AKT3: variants seen among roughly 807,000 people sequenced by gnomAD.
AKT3 encodes the protein RAC-gamma serine/threonine-protein kinase.
AKT3 carries 15 observed loss-of-function variants against 65.3 expected under a neutral mutation model. The observed-to-expected ratio is 0.23, with a 90% CI of 0.15 to 0.35. The LOEUF (loss-of-function observed/expected upper bound fraction) is 0.35. AKT3 is among the 10% of genes least tolerant of loss of function. The pLI is 1.00. For missense variants in AKT3, 243 were observed against 576.5 expected, an observed-to-expected ratio of 0.42 and a Z score of 5.92; for synonymous variants, 206 against 183.8, an observed-to-expected ratio of 1.12 and a Z score of -0.98.
intron 12 of AKT3, among the ~76,000 whole-genome samples, chr1:243,526,498 C>T (rs1671090262): frequency 6.6e-6 from 1 of 152,052 alleles, no homozygotes; most frequent in Non-Finnish European, 1.5e-5. Context: ...CTCCAAATCT[C>T]CCACGAGAAT....
chr1:243,807,017 T>C (rs1692770471), intron 2 of AKT3, among the ~76,000 whole-genome samples: 1 of 152,110 alleles, frequency 6.6e-6, no homozygotes, highest in Admixed American at 6.6e-5. Flanking sequence ...TTGGGAACAA[T>C]CATCCCACAG....
chr1:243,744,758 A>C (rs956577367), intron 2 of AKT3, among the ~76,000 whole-genome samples: 18 of 151,354 alleles, frequency 1.2e-4, no homozygotes, highest in African/African-American at 3.9e-4. Flanking sequence ...AAAAAAAAAA[A>C]AATTATTATA....
chr1:243,616,947 T>C (rs142293867), intron 6 of AKT3, among the ~76,000 whole-genome samples: 16 of 152,152 alleles, frequency 1.1e-4, no homozygotes, highest in African/African-American at 3.6e-4. Flanking sequence ...CTAAGTTAAT[T>C]AGAATAGCAA....
At chr1:243,495,318 G>C (rs1445680656), downstream of AKT3, among the ~76,000 whole-genome samples, 1 of 152,220 alleles carries the variant, frequency 6.6e-6, no homozygotes, top group African/African-American at 2.4e-5. Context: ...TGTCTGCAAG[G>C]CGGCCTTCTC....
chr1:243,703,070 T>G (rs946812049), intron 2 of AKT3: 4 of 152,230 alleles, frequency 2.6e-5, no homozygotes, highest in Non-Finnish European at 5.9e-5. Context: ...GATACAATGT[T>G]AATTTCAGCA....
At chr1:243,643,359 T>C (rs1413554931) in intron 5 of AKT3, among the ~76,000 whole-genome samples, 1 of 152,180 alleles carries the variant, frequency 6.6e-6, no homozygotes, top group Non-Finnish European at 1.5e-5. Flanking sequence ...TGCTAGTCTG[T>C]TAAAAATTAA....
intron 8 of AKT3, among the ~76,000 whole-genome samples, chr1:243,593,676 A>G (rs1474770555): frequency 1.3e-5 from 2 of 152,184 alleles, no homozygotes; most frequent in Admixed American, 1.3e-4. Flanking sequence ...TAGGCGACAG[A>G]GTGAGACTCC....
intron 12 of AKT3, among the ~76,000 whole-genome samples, chr1:243,536,890 G>A (rs1227777442): frequency 1.3e-5 from 2 of 152,148 alleles, no homozygotes; most frequent in Non-Finnish European, 2.9e-5. Flanking sequence ...GATAAGGGAA[G>A]TATCAAATAG....
At chr1:243,684,519 G>A (rs1684149843) in intron 3 of AKT3, among the ~76,000 whole-genome samples, 1 of 152,108 alleles carries the variant, frequency 6.6e-6, no homozygotes, top group African/African-American at 2.4e-5. Flanking sequence ...AGTATTCCAT[G>A]GTATGTATGT....
At chr1:243,621,511 C>A (rs1392475784) in intron 6 of AKT3, among the ~76,000 whole-genome samples, 2 of 152,100 alleles carry the variant, frequency 1.3e-5, no homozygotes, top group Non-Finnish European at 2.9e-5. Context: ...GTACACTCTT[C>A]CTTTGGTAAA....
At position 243,837,623 on chromosome 1, in the gene AKT3, G is replaced by A. The variant is rs532619460; in HGVS notation, c.46+5502C>T. On this transcript the variant is annotated intron_variant, in intron 2 of 13. Coordinates refer to ENST00000673466, the MANE Select transcript of AKT3 (RefSeq NM_005465.7). Reference sequence around the variant, plus strand: ...CAATGAAAGTAATTCACCATATTAAGAGAATAAAAGGAAAAAATCAAATGA... The same window carrying A: ...CAATGAAAGTAATTCACCATATTAAAAGAATAAAAGGAAAAAATCAAATGA... Among the ~76,000 whole-genome samples the A allele has an allele frequency of 4.1e-4, 62 of 152,042 alleles. No individual in the cohort carries two copies. The Middle Eastern group carries it at 0.014, about 33-fold the overall frequency.
rs1010573607 is a variant in AKT3 at position 243,503,703 on chromosome 1, T to A, written c.*1546A>T. On this transcript the variant is annotated 3_prime_UTR_variant, in exon 14 of 14. Coordinates refer to ENST00000673466, the MANE Select transcript of AKT3 (RefSeq NM_005465.7). ...TGAGTATATACAGAAAAAGAAAAGC[T>A]GGAGGTGTTCTCTTTTTTTGTTGTT... 1 of 232,322 alleles carries A rather than the reference T, an allele frequency of 4.3e-6. No homozygotes were observed. The highest frequency in any genetic ancestry group is 8.5e-6 in the Non-Finnish European group (1 of 117,282). The allele number at this position is 232,322 out of a possible 1,614,324, so 14.4% of individuals were successfully genotyped here.
At chr1:243,727,862 A>T (rs1687311592) in intron 2 of AKT3, among the ~76,000 whole-genome samples, 1 of 152,204 alleles carries the variant, frequency 6.6e-6, no homozygotes, top group Admixed American at 6.5e-5. Flanking sequence ...TTAAAAAAAT[A>T]ATTATAACAC....
In AKT3 at chr1:243,508,061, G is replaced by A. The variant is rs529940475; in HGVS notation, c.1355-2727C>T. 9.2e-5 allele frequency among the ~76,000 whole-genome samples: 14 copies of A among 152,284 alleles called. No homozygotes were observed. In the South Asian group the frequency reaches 2.5e-3, roughly 27 times the overall value. Reference sequence around the variant, plus strand: ...ATTGCTAACGAATGGTACTACCCTGGACTTTTATCAACAAAACCTCTGTGT... The same window carrying A: ...ATTGCTAACGAATGGTACTACCCTGAACTTTTATCAACAAAACCTCTGTGT... On this transcript the variant is annotated intron_variant, in intron 13 of 13. Transcript: ENST00000673466.
intron 12 of AKT3, among the ~76,000 whole-genome samples, chr1:243,523,099 T>C (rs1670824518): frequency 1.3e-5 from 2 of 152,144 alleles, no homozygotes; most frequent in Non-Finnish European, 2.9e-5. Flanking sequence ...GCAATTTCTA[T>C]GTTCTGCAAG....
At chr1:243,589,795 T>C (rs950878806) in intron 8 of AKT3, among the ~76,000 whole-genome samples, 3 of 152,210 alleles carry the variant, frequency 2.0e-5, no homozygotes, top group Non-Finnish European at 2.9e-5. Context: ...GGTATCTCTA[T>C]TCCAAGAATG....
chr1:243,779,609 C>A (rs897537510), intron 2 of AKT3, among the ~76,000 whole-genome samples: 2 of 151,620 alleles, frequency 1.3e-5, no homozygotes, highest in South Asian at 2.1e-4. Context: ...TAAAACAGTA[C>A]GGTATTCATG....
intron 2 of AKT3, among the ~76,000 whole-genome samples, chr1:243,727,130 A>G (rs911710711): frequency 2.6e-5 from 4 of 152,306 alleles, no homozygotes; most frequent in East Asian, 1.9e-4. Context: ...AACCTACATA[A>G]TAAGTGCTGA....
chr1:243,772,661 A>G (rs1273992177), intron 2 of AKT3, among the ~76,000 whole-genome samples: 2 of 152,208 alleles, frequency 1.3e-5, no homozygotes, highest in African/African-American at 4.8e-5. Flanking sequence ...TAGAAATACC[A>G]TTTGACCCAG....
Sources: allele counts gnomAD v4.1 joint callset (sites outside exome capture counted in the v4.1 genomes callset), GRCh38; gene constraint gnomAD v4.1.1; transcripts MANE v1.5; gene names NCBI Gene and HGNC (gene_info 2026-07-23, HGNC 2026-07-21).